Variants in MMS22L observed in about 807,000 individuals in gnomAD.
The protein encoded by MMS22L is protein MMS22-like.
In MMS22L, 74 loss-of-function variants were observed where a neutral mutation model predicts 159.1. The ratio of observed to expected loss-of-function variants is 0.47; its 90% CI spans 0.39 to 0.56. The LOEUF (loss-of-function observed/expected upper bound fraction) is 0.56. MMS22L is among the 20% of genes least tolerant of loss of function. The probability of loss-of-function intolerance (pLI) is 0.00; values close to 1 mark genes in which losing one functional copy is unlikely to be tolerated. For missense variants in MMS22L, 1,351 were observed against 1,422.1 expected (o/e 0.95, Z 0.80); for synonymous variants, 517 against 506.9 (o/e 1.02, Z -0.27).
At chr6:97,206,289 C>CGA (rs1807774629) in intron 14 of MMS22L, among the ~76,000 whole-genome samples, 1 of 150,418 alleles carries the variant, frequency 6.6e-6, no homozygotes, top group Non-Finnish European at 1.5e-5. Context: ...CTACCTCTTT[C>CGA]AAGAAGCACA....
chr6:97,268,695 G>C (rs1815413328), intron 7 of MMS22L, among the ~76,000 whole-genome samples: 2 of 151,864 alleles, frequency 1.3e-5, no homozygotes, highest in African/African-American at 4.8e-5. Flanking sequence ...ATTGTTTTAT[G>C]GCATAAAATA....
intron 14 of MMS22L, among the ~76,000 whole-genome samples, chr6:97,213,830 A>G (rs1808663289): frequency 6.6e-6 from 1 of 152,144 alleles, no homozygotes; most frequent in South Asian, 2.1e-4. Context: ...AAATACTAAT[A>G]CTGGAAAATA....
intron 23 of MMS22L, among the ~76,000 whole-genome samples, chr6:97,151,074 T>C (rs1255839389): frequency 1.3e-5 from 2 of 152,156 alleles, no homozygotes; most frequent in Non-Finnish European, 2.9e-5. Flanking sequence ...CATGTACTTC[T>C]ACAATGGATC....
At chr6:97,211,538 AAAGG>A (rs1322786348) in intron 14 of MMS22L, among the ~76,000 whole-genome samples, 2 of 152,120 alleles carry the variant, frequency 1.3e-5, no homozygotes, top group African/African-American at 2.4e-5. Context: ...CATTAGAAAA[AAAGG>A]AAGTTGCACA....
intron 20 of MMS22L, among the ~76,000 whole-genome samples, chr6:97,166,341 T>C (rs1802955190): frequency 6.6e-6 from 1 of 152,186 alleles, no homozygotes; most frequent in African/African-American, 2.4e-5. Flanking sequence ...ATTTGGTACT[T>C]GGTGACTCAC....
chr6:97,184,065 T>C (rs200192396), intron 15 of MMS22L, among the ~76,000 whole-genome samples: 2 of 152,288 alleles, frequency 1.3e-5, no homozygotes, highest in East Asian at 3.9e-4. Flanking sequence ...GCCTCTCCAC[T>C]ACATACAAAC....
At chr6:97,244,241 A>AC (rs1369774858) in intron 11 of MMS22L, among the ~76,000 whole-genome samples, 3 of 152,162 alleles carry the variant, frequency 2.0e-5, no homozygotes, top group Non-Finnish European at 4.4e-5. Context: ...CTGTGGTACT[A>AC]CAGGGGGGAC....
In MMS22L at chr6:97,226,618, T is replaced by C. The variant is rs546004827; in HGVS notation, c.2039+2276A>G. ...TCAAAATATATATGTATATATTCTA[T>C]ATACACATATGTGTATATCCTATAC... On this transcript the variant is annotated intron_variant, in intron 14 of 24. Coordinates refer to ENST00000683635, the MANE Select transcript of MMS22L (RefSeq NM_001350599.2). Among the ~76,000 whole-genome samples, 7 of 151,950 alleles carry C rather than the reference T, an allele frequency of 4.6e-5. No individual in the cohort carries two copies. The South Asian group carries it at 1.5e-3, about 31-fold the overall frequency.
At chr6:97,248,061 G>C (rs191448925) in intron 10 of MMS22L, among the ~76,000 whole-genome samples, 1 of 152,100 alleles carries the variant, frequency 6.6e-6, no homozygotes, top group Non-Finnish European at 1.5e-5. Context: ...CACACTGTAC[G>C]AGGGTTGGTC....
At chr6:97,179,361 T>C (rs773308143) in intron 17 of MMS22L, 47 bp downstream of exon 17, 52 of 1,545,116 alleles carry the variant, frequency 3.4e-5, no homozygotes, top group Non-Finnish European at 4.1e-5. Context: ...AGCAAATAGC[T>C]TTCCATAGAT....
intron 14 of MMS22L, among the ~76,000 whole-genome samples, chr6:97,188,240 T>C (rs1582527805): frequency 6.6e-6 from 1 of 152,208 alleles, no homozygotes; most frequent in African/African-American, 2.4e-5. Context: ...CCATTTCTAC[T>C]GCCCTTTATA....
At chr6:97,270,857 T>G (rs1421607176) in intron 6 of MMS22L, 1 of 152,116 alleles carries the variant, frequency 6.6e-6, no homozygotes, top group African/African-American at 2.4e-5. Context: ...AAAGTTAGAC[T>G]TCTCACCTCA....
At chr6:97,175,194 C>CA (rs1803997026) in intron 18 of MMS22L, among the ~76,000 whole-genome samples, 1 of 152,060 alleles carries the variant, frequency 6.6e-6, no homozygotes, top group African/African-American at 2.4e-5. Context: ...GACTATTTCC[C>CA]AAACAAAAAA....
chr6:97,149,751 T>C (rs1411094595), intron 24 of MMS22L, 102 bp downstream of exon 24: 4 of 1,195,026 alleles, frequency 3.3e-6, no homozygotes, highest in Non-Finnish European at 4.5e-6. Context: ...CAAAAGAACA[T>C]ACCCAAATTT....
At chr6:97,150,199 C>T (rs1271383615) in intron 23 of MMS22L, among the ~76,000 whole-genome samples, 179 bp from the exon 24 acceptor site, 1 of 152,000 alleles carries the variant, frequency 6.6e-6, no homozygotes, top group Non-Finnish European at 1.5e-5. Context: ...ATTGAAGTGG[C>T]TTATTTAAGT....
chr6:97,252,088 A>C (rs1813299764), intron 10 of MMS22L, among the ~76,000 whole-genome samples: 1 of 151,980 alleles, frequency 6.6e-6, no homozygotes, highest in Non-Finnish European at 1.5e-5. Context: ...ATCTCAAAAA[A>C]AAAAAAAAAG....
chr6:97,179,242 C>CA (rs1311413431), intron 17 of MMS22L, among the ~76,000 whole-genome samples, 166 bp downstream of exon 17: 2 of 151,752 alleles, frequency 1.3e-5, no homozygotes, highest in African/African-American at 2.4e-5. Flanking sequence ...CAAAACAAAA[C>CA]AAAAAAACGG....
chr6:97,149,819 G>GCC lies in MMS22L; in HGVS notation c.3650+32_3650+33dup, dbSNP rs374480118. 2.7e-6 allele frequency: 4 copies of GCC among 1,506,226 alleles called. No individual in the cohort carries two copies. In the African/African-American group the frequency reaches 4.3e-5, roughly 16 times the overall value. 93.3% of individuals were successfully genotyped at this position (1,506,226 alleles called of 1,614,324 possible). A position where few individuals can be genotyped will look rare whatever the true frequency, so the allele number is the denominator to read the frequency against. On this transcript the variant is annotated intron_variant, in intron 24 of 24. Coordinates refer to ENST00000683635, the MANE Select transcript of MMS22L (RefSeq NM_001350599.2). The stretch of plus-strand genomic sequence containing the variant: ...ATGAAATATAAATTTTATAATCACT[G>GCC]CCCCCCCCAATGTAATTAAATTATC...
chr6:97,180,012 A>C (rs941253599), intron 16 of MMS22L, among the ~76,000 whole-genome samples: 6 of 152,244 alleles, frequency 3.9e-5, no homozygotes, highest in African/African-American at 1.2e-4. Context: ...TGTTACTAAA[A>C]ATTACCTCAC....
Sources: allele counts gnomAD v4.1 joint callset (sites outside exome capture counted in the v4.1 genomes callset), GRCh38; gene constraint gnomAD v4.1.1; transcripts MANE v1.5; gene names NCBI Gene and HGNC (gene_info 2026-07-23, HGNC 2026-07-21).